CDHR2: variants seen among roughly 807,000 people sequenced by gnomAD.
CDHR2 encodes cadherin-related family member 2.
CDHR2 carries 104 observed loss-of-function variants against 138.6 expected under a neutral mutation model. That is an observed-to-expected ratio of 0.75 (90% CI 0.64 to 0.88). The LOEUF (loss-of-function observed/expected upper bound fraction) is 0.88. Among genes scored for constraint, CDHR2 ranks in the 40% least tolerant of loss-of-function variants. The pLI, the probability that CDHR2 is intolerant of heterozygous loss-of-function variation, is 0.00. For missense variants in CDHR2, 1,624 were observed against 1,727.6 expected (o/e 0.94, Z 1.06); for synonymous variants, 755 against 742.8 (o/e 1.02, Z -0.27).
At chr5:176,574,062 G>A in intron 6 of CDHR2, 21 bp from the exon 7 acceptor site, 1 of 1,600,360 alleles carries the variant, frequency 6.2e-7, no homozygotes, top group African/African-American at 1.3e-5. Flanking sequence ...GAGCTCATAG[G>A]TGACGAGTCC....
intron 1 of CDHR2, 51 bp from the exon 2 acceptor site, chr5:176,565,286 CA>C: frequency 2.9e-6 from 4 of 1,386,254 alleles, no homozygotes; most frequent in Non-Finnish European, 4.1e-6. Flanking sequence ...GGGAGTCTGC[CA>C]AAAGGAGGGA....
Position 176,581,405 on chromosome 5 carries a change from C to T in CDHR2, c.1881C>T (p.Gly627=), listed in dbSNP as rs764297368. The change falls in exon 17 of 32, where the codon GGC becomes GGT. Residue 627 remains glycine (G), a synonymous_variant. Transcript: ENST00000261944. ...NSRLLFNLLP[G]PYSHNFSLDP... ...GTCTGCTCTTCAACCTGCTGCCTGG[C>T]CCCTACAGCCACAACTTCTCCTTGG... The T allele has an allele frequency of 2.1e-5, 34 of 1,614,036 alleles. No individual in the cohort carries two copies. The Middle Eastern group carries it at 4.9e-4, about 23-fold the overall frequency.
intron 3 of CDHR2, 81 bp from the exon 4 acceptor site, chr5:176,568,597 G>T: frequency 6.5e-7 from 1 of 1,531,174 alleles, no homozygotes; most frequent in Non-Finnish European, 8.9e-7. Context: ...CAGGCGCCCA[G>T]CCCAGCCTCA....
chr5:176,565,565 C>T (rs745970041), intron 2 of CDHR2, 107 bp from the exon 3 acceptor site: 21 of 1,243,508 alleles, frequency 1.7e-5, no homozygotes, highest in Admixed American at 7.7e-5. Flanking sequence ...CAGGCCTGGA[C>T]GGGTGGCCTG....
Position 176,560,350 on chromosome 5 carries a change from C to T in CDHR2, c.-15-4988C>T, listed in dbSNP as rs191154141. Among the ~76,000 whole-genome samples, 1,191 of 151,722 alleles carry T rather than the reference C, an allele frequency of 7.8e-3. 10 individuals are homozygous for T. The highest frequency in any genetic ancestry group is 0.028 in the African/African-American group (1,145 of 41,352). ...GGTGGAGGTTGCAGTGAGCCAAGAT[C>T]GCACTACTGCACTCCAGCCTGGGCG... On this transcript the variant is annotated intron_variant, in intron 1 of 31. Transcript: ENST00000261944.
At chr5:176,588,758 TA>T (rs1758756913) in intron 21 of CDHR2, among the ~76,000 whole-genome samples, 1 of 151,348 alleles carries the variant, frequency 6.6e-6, no homozygotes, top group African/African-American at 2.4e-5. Context: ...TGGAGGGGTG[TA>T]GGGGGAGCAG....
At chr5:176,582,658 T>C (rs1194331430) in intron 17 of CDHR2, among the ~76,000 whole-genome samples, 1 of 152,144 alleles carries the variant, frequency 6.6e-6, no homozygotes, top group Non-Finnish European at 1.5e-5. Context: ...GGCATGTACC[T>C]GAAGTCCCAG....
At position 176,565,271 on chromosome 5, in the gene CDHR2, C is replaced by A. The variant is rs539285021; in HGVS notation, c.-15-67C>A. Reference sequence around the variant, plus strand: ...TGGGTGGGCTCAGGTCAGACCCAGGCAGATGGGAGTCTGCCAAAAGGAGGG... The same window carrying A: ...TGGGTGGGCTCAGGTCAGACCCAGGAAGATGGGAGTCTGCCAAAAGGAGGG... On this transcript the variant is annotated intron_variant, in intron 1 of 31. Transcript: ENST00000261944. The A allele has an allele frequency of 1.0e-5, 12 of 1,168,130 alleles. No homozygotes were observed. In the African/African-American group the frequency reaches 1.4e-4, roughly 13 times the overall value. 72.4% of individuals were successfully genotyped at this position (1,168,130 alleles called of 1,614,324 possible).
chr5:176,584,357 G>A lies in CDHR2; in HGVS notation c.2129-53G>A. ...TTCCAAGAGAGGCAAGGGCAGAGGA[G>A]GCTTCCGATGGCGGGGTCAGGAGTC... On this transcript the variant is annotated intron_variant, in intron 18 of 31. Coordinates refer to ENST00000261944, the MANE Select transcript of CDHR2 (RefSeq NM_017675.6). 2.5e-6 allele frequency: 4 copies of A among 1,610,306 alleles called. No individual in the cohort carries two copies. The South Asian group carries it at 3.3e-5, about 13-fold the overall frequency.
At chr5:176,561,605 G>T (rs1446943613) in intron 1 of CDHR2, among the ~76,000 whole-genome samples, 2 of 151,682 alleles carry the variant, frequency 1.3e-5, no homozygotes, top group Non-Finnish European at 2.9e-5. Context: ...AGCATTGAGG[G>T]CGTGTCTGGA....
chr5:176,578,511 TC>T lies in CDHR2; in HGVS notation c.1723del (p.His575ThrfsTer29). The T allele has an allele frequency of 6.2e-7, 1 of 1,614,032 alleles. No individual in the cohort carries two copies. Among genetic ancestry groups the T allele is most frequent in the Non-Finnish European group, 8.5e-7 (1 of 1,179,920 alleles). On this transcript the variant is annotated frameshift_variant, in exon 16 of 32. Transcript: ENST00000261944. LOFTEE classifies it high-confidence loss of function. ...GNLSSSTTLQ[I>X]HLLDINDNAP... is the part of the protein sequence containing the mutation. Reference sequence around the variant, plus strand: ...CTGTCCTCCTCCACCACACTGCAGATCCACCTGCTGGACATCAACGACAATG... The same window carrying T: ...CTGTCCTCCTCCACCACACTGCAGATCACCTGCTGGACATCAACGACAATG...
chr5:176,568,234 G>A (rs1174879611), intron 3 of CDHR2, among the ~76,000 whole-genome samples: 1 of 152,180 alleles, frequency 6.6e-6, no homozygotes, highest in Non-Finnish European at 1.5e-5. Flanking sequence ...TGCAGTACAA[G>A]AGTTAGGGCT....
intron 5 of CDHR2, 91 bp downstream of exon 5, chr5:176,569,101 T>G: frequency 1.7e-6 from 2 of 1,156,914 alleles, no homozygotes; most frequent in Non-Finnish European, 1.3e-6. Context: ...GGTGCCCCAG[T>G]TAACAGTGAA....
intron 1 of CDHR2, among the ~76,000 whole-genome samples, chr5:176,558,222 T>A (rs1197978186): frequency 2.7e-5 from 4 of 148,682 alleles, no homozygotes; most frequent in South Asian, 4.3e-4. Context: ...TTATTTTTTT[T>A]TTTTTTTTTT....
intron 1 of CDHR2, 94 bp from the exon 2 acceptor site, chr5:176,565,244 G>A: frequency 1.2e-6 from 1 of 840,026 alleles, no homozygotes; most frequent in Non-Finnish European, 2.1e-6. Flanking sequence ...AAGCAGCAGT[G>A]GTGGGTGGGC....
At chr5:176,580,556 GA>G (rs1561876859) in intron 16 of CDHR2, among the ~76,000 whole-genome samples, 4 of 148,806 alleles carry the variant, frequency 2.7e-5, no homozygotes, top group Admixed American at 2.0e-4. Context: ...AAGAAAGAAA[GA>G]AAAAAAAGAA....
At chr5:176,591,182 G>A (rs2113332052) in intron 28 of CDHR2, 28 bp from the exon 29 acceptor site, 1 of 1,495,866 alleles carries the variant, frequency 6.7e-7, no homozygotes, top group African/African-American at 1.4e-5. Flanking sequence ...TGCAGCAACA[G>A]TGTGACCCCT....
At chr5:176,590,827 T>G (rs2113331467) in intron 28 of CDHR2, 140 bp downstream of exon 28, 1 of 1,146,956 alleles carries the variant, frequency 8.7e-7, no homozygotes, top group East Asian at 2.4e-5. Flanking sequence ...TGCGAGATCT[T>G]GGGTGAGTCA....
intron 6 of CDHR2, among the ~76,000 whole-genome samples, chr5:176,573,179 G>C (rs1581139664): frequency 6.6e-6 from 1 of 152,242 alleles, no homozygotes; most frequent in East Asian, 1.9e-4. Flanking sequence ...GTGGCTGGAG[G>C]GGGAGGGTGA....
Sources: allele counts gnomAD v4.1 joint callset (sites outside exome capture counted in the v4.1 genomes callset), GRCh38; gene constraint gnomAD v4.1.1; transcripts MANE v1.5; gene names NCBI Gene and HGNC (gene_info 2026-07-23, HGNC 2026-07-21).